ROBO2: variants seen among roughly 807,000 people sequenced by gnomAD.
ROBO2 encodes the protein roundabout homolog 2.
A neutral mutation model predicts 160.8 loss-of-function variants in ROBO2; 53 were observed. The observed-to-expected ratio is 0.33, with a 90% CI of 0.26 to 0.41. The LOEUF is 0.41. Ranked by LOEUF, ROBO2 falls within the 10% of genes least tolerant of loss-of-function variation. ROBO2 has a pLI of 1.00. For missense variants in ROBO2, 1,577 were observed against 1,722.4 expected (o/e 0.92, Z 1.49); for synonymous variants, 664 against 611.7 (o/e 1.09, Z -1.26).
chr3:76,553,599 A>C (rs2083540306), intron 2 of ROBO2, among the ~76,000 whole-genome samples: 1 of 152,220 alleles, frequency 6.6e-6, no homozygotes. Flanking sequence ...AAAATGTTAA[A>C]ATCATTCATC....
intron 2 of ROBO2, among the ~76,000 whole-genome samples, chr3:76,186,826 C>G (rs901093145): frequency 6.6e-6 from 1 of 152,120 alleles, no homozygotes; most frequent in African/African-American, 2.4e-5. Flanking sequence ...TCTGACCACT[C>G]TTCAAAGTCA....
intron 2 of ROBO2, among the ~76,000 whole-genome samples, chr3:76,504,311 G>T (rs2080652440): frequency 6.6e-6 from 1 of 152,068 alleles, no homozygotes; most frequent in South Asian, 2.1e-4. Context: ...CTTGATAAAA[G>T]CCATACGTTT....
intron 2 of ROBO2, among the ~76,000 whole-genome samples, chr3:76,757,142 A>G (rs1316132242): frequency 6.6e-6 from 1 of 151,892 alleles, no homozygotes; most frequent in Non-Finnish European, 1.5e-5. Context: ...ATAGATATGA[A>G]TAATTATCTC....
intron 2 of ROBO2, among the ~76,000 whole-genome samples, chr3:76,532,546 A>T (rs1229554133): frequency 1.3e-5 from 2 of 152,204 alleles, no homozygotes; most frequent in African/African-American, 4.8e-5. Flanking sequence ...TTTGCCTTAT[A>T]AGTATAATGT....
intron 5 of ROBO2, among the ~76,000 whole-genome samples, chr3:77,501,492 T>C (rs1306245805): frequency 1.3e-5 from 2 of 152,192 alleles, no homozygotes; most frequent in African/African-American, 4.8e-5. Context: ...AAAGGTATAA[T>C]AGAATTTAAG....
At chr3:77,086,229 A>G (rs1200423562) in intron 1 of ROBO2, among the ~76,000 whole-genome samples, 1 of 152,076 alleles carries the variant, frequency 6.6e-6, no homozygotes, top group African/African-American at 2.4e-5. Flanking sequence ...TACTAATAAA[A>G]GAGTTATACA....
chr3:77,500,520 T>C (rs2087437334), intron 5 of ROBO2, among the ~76,000 whole-genome samples: 1 of 152,202 alleles, frequency 6.6e-6, no homozygotes, highest in Non-Finnish European at 1.5e-5. Flanking sequence ...ATATTATGAA[T>C]AACTAAATAA....
At chr3:76,372,708 A>G (rs1016008062) in intron 2 of ROBO2, among the ~76,000 whole-genome samples, 25 of 152,042 alleles carry the variant, frequency 1.6e-4, no homozygotes, top group African/African-American at 5.8e-4. Context: ...GAGTGGGATG[A>G]GACCAATGCT....
chr3:77,167,905 T>G (rs1279033226), intron 2 of ROBO2, among the ~76,000 whole-genome samples: 2 of 148,336 alleles, frequency 1.3e-5, no homozygotes, highest in African/African-American at 5.3e-5. Context: ...CGCATTAACT[T>G]TGTTGTTTCC....
intron 2 of ROBO2, among the ~76,000 whole-genome samples, chr3:76,284,514 A>C (rs1020129936): frequency 3.9e-5 from 6 of 152,150 alleles, no homozygotes; most frequent in African/African-American, 4.8e-5. Context: ...TTTATGAAGT[A>C]ATGAAAAGGA....
chr3:76,772,000 C>T (rs1264421404), intron 2 of ROBO2, among the ~76,000 whole-genome samples: 1 of 151,116 alleles, frequency 6.6e-6, no homozygotes, highest in Non-Finnish European at 1.5e-5. Context: ...CATAATAATG[C>T]ATGTACTAAT....
intron 2 of ROBO2, among the ~76,000 whole-genome samples, chr3:76,488,827 C>T (rs986986411): frequency 2.6e-5 from 4 of 152,040 alleles, no homozygotes; most frequent in African/African-American, 7.2e-5. Flanking sequence ...ATTGAAATCA[C>T]CTACATTCAA....
chr3:76,700,141 C>T (rs1230424691), intron 2 of ROBO2, among the ~76,000 whole-genome samples: 1 of 152,156 alleles, frequency 6.6e-6, no homozygotes, highest in African/African-American at 2.4e-5. Flanking sequence ...TGCAACATCA[C>T]TATTCTTTTC....
intron 2 of ROBO2, among the ~76,000 whole-genome samples, chr3:77,372,677 A>T (rs185459254): frequency 4.3e-4 from 66 of 152,314 alleles, no homozygotes; most frequent in African/African-American, 1.0e-3. Flanking sequence ...ATGGAAGTAT[A>T]CAATTCTTTC....
chr3:76,326,634 T>A (rs1393608996), intron 2 of ROBO2, among the ~76,000 whole-genome samples: 3 of 152,060 alleles, frequency 2.0e-5, no homozygotes, highest in Non-Finnish European at 4.4e-5. Flanking sequence ...TTTTTATTAC[T>A]ATACTTTAAG....
At chr3:76,753,800 C>T (rs937172185) in intron 2 of ROBO2, among the ~76,000 whole-genome samples, 1 of 151,844 alleles carries the variant, frequency 6.6e-6, no homozygotes, top group Admixed American at 6.6e-5. Flanking sequence ...CTGCTCTTAG[C>T]ATTACAGGCA....
At chr3:76,042,292 C>G (rs181759018) in intron 2 of ROBO2, among the ~76,000 whole-genome samples, 2 of 151,964 alleles carry the variant, frequency 1.3e-5, no homozygotes, top group East Asian at 3.9e-4. Flanking sequence ...AAGAACTTTG[C>G]TAATAGTTGT....
intron 2 of ROBO2, among the ~76,000 whole-genome samples, chr3:76,290,649 T>A (rs996702844): frequency 6.6e-6 from 1 of 152,068 alleles, no homozygotes; most frequent in Non-Finnish European, 1.5e-5. Flanking sequence ...ATCATGTCAG[T>A]TGTGGGTCTG....
intron 6 of ROBO2, among the ~76,000 whole-genome samples, chr3:77,526,621 C>A (rs1490421080): frequency 2.6e-5 from 4 of 151,472 alleles, no homozygotes; most frequent in Admixed American, 1.3e-4. Flanking sequence ...ATGTGTATCT[C>A]TTACAATTTA....
Sources: gnomAD v4.1 joint callset for allele counts (sites outside exome capture counted in the v4.1 genomes callset) on GRCh38, gnomAD v4.1.1 for gene constraint, MANE v1.5 for transcripts, NCBI Gene and HGNC (gene_info 2026-07-23, HGNC 2026-07-21) for gene names.